Variants in NRXN1 observed in about 807,000 individuals in gnomAD.
NRXN1 encodes the protein neurexin 1.
A neutral mutation model predicts 150.9 loss-of-function variants in NRXN1; 39 were observed. The observed-to-expected ratio is 0.26, with a 90% CI of 0.20 to 0.34. NRXN1 has a LOEUF of 0.34. Among genes scored for constraint, NRXN1 ranks in the 10% least tolerant of loss-of-function variants. The pLI is 1.00. For synonymous variants in NRXN1, 924 were observed against 757.0 expected, an observed-to-expected ratio of 1.22 and a Z score of -3.62; for missense variants, 1,815 against 1,949.9, an observed-to-expected ratio of 0.93 and a Z score of 1.30.
intron 2 of NRXN1, among the ~76,000 whole-genome samples, chr2:50,968,333 T>A (rs1049873285): frequency 9.2e-5 from 14 of 152,128 alleles, no homozygotes; most frequent in African/African-American, 3.4e-4. Context: ...ATCTTTTCCA[T>A]CTTCTCAGAT....
At chr2:50,059,756 C>T (rs1012798340) in intron 19 of NRXN1, among the ~76,000 whole-genome samples, 3 of 152,194 alleles carry the variant, frequency 2.0e-5, no homozygotes, top group Non-Finnish European at 2.9e-5. Context: ...AAATGTACAG[C>T]TCAGGTCGTT....
intron 21 of NRXN1, among the ~76,000 whole-genome samples, chr2:50,039,310 A>G (rs773500135): frequency 1.3e-5 from 2 of 152,114 alleles, no homozygotes; most frequent in Non-Finnish European, 2.9e-5. Context: ...TACTAAAAAT[A>G]CAAAAATCAG....
rs373454919 is a variant in NRXN1, at chr2:50,465,606, A to G, written c.3245-45T>C. 12 of 1,548,148 alleles carry G rather than the reference A, an allele frequency of 7.8e-6. No homozygotes were observed. The African/African-American group carries it at 1.6e-4, about 21-fold the overall frequency. ...AAACTTGGGTTCTTTAAAAGAATCC[A>G]AAAGCATTTTATACATGAGCTAGAT... On this transcript the variant is annotated intron_variant, in intron 16 of 22. Coordinates refer to ENST00000401669, the MANE Select transcript of NRXN1 (RefSeq NM_001330078.2).
intron 17 of NRXN1, among the ~76,000 whole-genome samples, chr2:50,271,997 G>A (rs1331128074): frequency 6.6e-6 from 1 of 152,008 alleles, no homozygotes; most frequent in Admixed American, 6.6e-5. Context: ...TCCAAGGGGG[G>A]GTCACACAAT....
intron 17 of NRXN1, among the ~76,000 whole-genome samples, chr2:50,278,296 A>ATAAT (rs1553368740): frequency 2.8e-5 from 2 of 72,152 alleles, no homozygotes; most frequent in African/African-American, 1.0e-4. Context: ...ATACATATAT[A>ATAAT]ATATATATTT....
At chr2:50,518,538 G>A (rs1328511620) in intron 12 of NRXN1, among the ~76,000 whole-genome samples, 1 of 151,774 alleles carries the variant, frequency 6.6e-6, no homozygotes, top group Admixed American at 6.6e-5. Flanking sequence ...ACAATGCCAA[G>A]TTGTCTGAAT....
chr2:50,115,469 A>C (rs930709190), intron 18 of NRXN1, among the ~76,000 whole-genome samples: 12 of 151,964 alleles, frequency 7.9e-5, no homozygotes, highest in African/African-American at 2.9e-4. Context: ...TATCCACAAC[A>C]AACTAATAAA....
intron 18 of NRXN1, among the ~76,000 whole-genome samples, chr2:50,132,392 G>A (rs933531693): frequency 6.8e-6 from 1 of 147,702 alleles, no homozygotes; most frequent in African/African-American, 2.5e-5. Flanking sequence ...TGCAACCTCC[G>A]CCTCCTGTGT....
chr2:50,889,533 C>T (rs1680746899), intron 5 of NRXN1, among the ~76,000 whole-genome samples: 2 of 151,758 alleles, frequency 1.3e-5, no homozygotes, highest in South Asian at 4.1e-4. Context: ...TCTGTTTAAC[C>T]TCAAATTCAA....
At chr2:50,135,030 CAAG>C (rs1706178843) in intron 18 of NRXN1, among the ~76,000 whole-genome samples, 1 of 152,164 alleles carries the variant, frequency 6.6e-6, no homozygotes, top group African/African-American at 2.4e-5. Flanking sequence ...GACAAGAAAG[CAAG>C]AATATTATGC....
Position 50,865,579 on chromosome 2 carries a change from AATGT to A in NRXN1, c.832+56286_832+56289del, listed in dbSNP as rs1435191929. On this transcript the variant is annotated intron_variant, in intron 5 of 22. Coordinates refer to ENST00000401669, the MANE Select transcript of NRXN1 (RefSeq NM_001330078.2). ...TTCTCTAAGTGGCTCCAAATATATA[AATGT>A]GTGTGTGTGTGTGTGTGTGTGTGTG... Among the ~76,000 whole-genome samples the A allele has an allele frequency of 1.1e-4, 10 of 93,914 alleles. No homozygotes were observed. The Middle Eastern group carries it at 0.044, about 416-fold the overall frequency. 61.6% of individuals were successfully genotyped at this position (93,914 alleles called of 152,430 possible).
intron 18 of NRXN1, among the ~76,000 whole-genome samples, chr2:50,166,740 T>C (rs2059711907): frequency 6.6e-6 from 1 of 152,188 alleles, no homozygotes; most frequent in African/African-American, 2.4e-5. Flanking sequence ...GCAATTAATA[T>C]ATAATATCTG....
At position 50,137,613 on chromosome 2, in the gene NRXN1, A is replaced by C. The variant is rs564076478; in HGVS notation, c.3547-46119T>G. On this transcript the variant is annotated intron_variant, in intron 18 of 22. Transcript: ENST00000401669. ...AGGACAAAACTTCTAAGTCATTATT[A>C]ACTGGTACTCTACCAAGAATATAGC... 6.8e-4 allele frequency among the ~76,000 whole-genome samples: 104 copies of C among 152,260 alleles called. 2 individuals carry two copies. In the South Asian group the frequency reaches 0.021, roughly 31 times the overall value.
At chr2:51,031,145 T>C (rs1671481621) in intron 1 of NRXN1, among the ~76,000 whole-genome samples, 2 of 152,220 alleles carry the variant, frequency 1.3e-5, no homozygotes, top group South Asian at 4.2e-4. Flanking sequence ...CGAGTATCTG[T>C]ATTTATATGG....
At chr2:50,220,317 G>C (rs572418987) in intron 18 of NRXN1, among the ~76,000 whole-genome samples, 1 of 151,772 alleles carries the variant, frequency 6.6e-6, no homozygotes, top group Non-Finnish European at 1.5e-5. Flanking sequence ...CCAAGACAGA[G>C]TGTGCATAAT....
chr2:50,547,133 G>C (rs1398345017), intron 9 of NRXN1, among the ~76,000 whole-genome samples: 2 of 152,094 alleles, frequency 1.3e-5, no homozygotes, highest in Non-Finnish European at 2.9e-5. Context: ...TCTTAAACTG[G>C]AACTCTACGA....
Position 50,602,936 on chromosome 2 carries a change from G to A in NRXN1, c.1320+17086C>T, listed in dbSNP as rs192446203. 1.5e-4 allele frequency among the ~76,000 whole-genome samples: 23 copies of A among 152,252 alleles called. No individual in the cohort carries two copies. The Middle Eastern group carries it at 0.017, about 113-fold the overall frequency. On this transcript the variant is annotated intron_variant, in intron 8 of 22. Coordinates refer to ENST00000401669, the MANE Select transcript of NRXN1 (RefSeq NM_001330078.2). ...GGCCAGCAGAGCTAGAACAGAAGAC[G>A]CAGTCTGCCCCTGATATTTCCTGGT...
At chr2:50,507,877 G>C (rs1227939680) in intron 12 of NRXN1, among the ~76,000 whole-genome samples, 1 of 151,626 alleles carries the variant, frequency 6.6e-6, no homozygotes, top group Non-Finnish European at 1.5e-5. Context: ...AACGAATTGA[G>C]AATCAGGATT....
At chr2:50,595,756 A>T (rs1675098936) in intron 8 of NRXN1, among the ~76,000 whole-genome samples, 1 of 152,160 alleles carries the variant, frequency 6.6e-6, no homozygotes, top group Non-Finnish European at 1.5e-5. Flanking sequence ...GTGTTTTTTG[A>T]CTAAAGTCAA....
Sources: gnomAD v4.1 joint callset for allele counts (sites outside exome capture counted in the v4.1 genomes callset) on GRCh38, gnomAD v4.1.1 for gene constraint, MANE v1.5 for transcripts, NCBI Gene and HGNC (gene_info 2026-07-23, HGNC 2026-07-21) for gene names.